Variants in KCNIP3 observed in about 807,000 individuals in gnomAD.
The protein encoded by KCNIP3 is potassium voltage-gated channel interacting protein 3.
In KCNIP3, 28 loss-of-function variants were observed where a neutral mutation model predicts 35.0. The observed-to-expected ratio is 0.80, with a 90% CI of 0.59 to 1.10. KCNIP3 has a LOEUF of 1.10. Among genes scored for constraint, KCNIP3 ranks in the 50% least tolerant of loss-of-function variants. The probability of loss-of-function intolerance (pLI) is 0.00; values close to 1 mark genes in which losing one functional copy is unlikely to be tolerated. For synonymous variants in KCNIP3, 134 were observed against 133.8 expected, an observed-to-expected ratio of 1.00 and a Z score of -0.01; for missense variants, 295 against 338.4, an observed-to-expected ratio of 0.87 and a Z score of 1.01.
rs373459552 is a variant in KCNIP3, at chr2:95,344,778, T to A, written c.182-29518T>A. Among the ~76,000 whole-genome samples the A allele has an allele frequency of 8.5e-5, 13 of 152,316 alleles. No homozygotes were observed. The East Asian group carries it at 1.4e-3, about 16-fold the overall frequency. ...AGCCCCTGCCACGTGCCAGCCTGCA[T>A]CTCATTCCATCCTTTCAAGCCCCCG... On this transcript the variant is annotated intron_variant, in intron 2 of 8. Transcript: ENST00000295225.
chr2:95,337,958 A>G (rs939554726), intron 2 of KCNIP3, among the ~76,000 whole-genome samples: 1 of 152,182 alleles, frequency 6.6e-6, no homozygotes, highest in African/African-American at 2.4e-5. Flanking sequence ...ACAGTGTGGG[A>G]AACTGGAGGT....
Position 95,347,127 on chromosome 2 carries a change from C to G in KCNIP3, c.182-27169C>G, listed in dbSNP as rs559092794. On this transcript the variant is annotated intron_variant, in intron 2 of 8. Coordinates refer to ENST00000295225, the MANE Select transcript of KCNIP3 (RefSeq NM_013434.5). ...TGGAGCCCATATCCATGGAAGGTAA[C>G]GCGTGGCCACTTGCCCCTTCGCCGC... 6 of 1,606,978 alleles carry G rather than the reference C, an allele frequency of 3.7e-6. No individual in the cohort carries two copies. The Middle Eastern group carries it at 5.0e-4, about 133-fold the overall frequency.
chr2:95,308,098 A>C (rs748380181), intron 1 of KCNIP3, among the ~76,000 whole-genome samples: 2 of 151,858 alleles, frequency 1.3e-5, no homozygotes, highest in East Asian at 1.9e-4. Flanking sequence ...ACTTGTGTGC[A>C]TGTGTGTGCG....
chr2:95,312,474 C>G (rs1477084652), intron 2 of KCNIP3: 1 of 152,444 alleles, frequency 6.6e-6, no homozygotes, highest in Non-Finnish European at 1.5e-5. Context: ...TGTCAGGACA[C>G]GTTTGCTGAA....
chr2:95,341,253 T>C (rs2104257619), intron 2 of KCNIP3, among the ~76,000 whole-genome samples: 1 of 152,256 alleles, frequency 6.6e-6, no homozygotes, highest in East Asian at 1.9e-4. Context: ...CCCCCCTCAC[T>C]CTCTTTCTTG....
At chr2:95,320,388 C>T (rs772952224) in intron 2 of KCNIP3, among the ~76,000 whole-genome samples, 4 of 152,112 alleles carry the variant, frequency 2.6e-5, no homozygotes, top group African/African-American at 7.2e-5. Context: ...CTGCCACTCA[C>T]GGCAGCCTGG....
intron 2 of KCNIP3, among the ~76,000 whole-genome samples, chr2:95,325,456 G>A (rs184347816): frequency 1.3e-4 from 20 of 152,272 alleles, no homozygotes; most frequent in African/African-American, 3.6e-4. Context: ...TGGGTATCCC[G>A]TGAGGAGGGT....
rs547324901 is a variant in KCNIP3 at position 95,360,723 on chromosome 2, G to A, written c.182-13573G>A. 3.3e-5 allele frequency among the ~76,000 whole-genome samples: 5 copies of A among 152,274 alleles called. No homozygotes were observed. The East Asian group carries it at 9.6e-4, about 29-fold the overall frequency. ...CTTCTTACTGAATCATCATTCCATGGCGAAGAACAGACAGACAGACAGAGA... is the reference window on the plus strand; with the variant it reads ...CTTCTTACTGAATCATCATTCCATGACGAAGAACAGACAGACAGACAGAGA... On this transcript the variant is annotated intron_variant, in intron 2 of 8. Coordinates refer to ENST00000295225, the MANE Select transcript of KCNIP3 (RefSeq NM_013434.5).
At chr2:95,374,577 C>T (rs760100238) in intron 3 of KCNIP3, among the ~76,000 whole-genome samples, 157 bp downstream of exon 3, 18 of 152,288 alleles carry the variant, frequency 1.2e-4, no homozygotes, top group Admixed American at 5.2e-4. Context: ...GAATGGGCAT[C>T]GCTGAGGCCG....
chr2:95,379,250 G>A (rs187315381), intron 5 of KCNIP3, among the ~76,000 whole-genome samples: 19 of 152,300 alleles, frequency 1.2e-4, no homozygotes, highest in Non-Finnish European at 2.4e-4. Flanking sequence ...TTGTGAACTG[G>A]ACCCCTCGCT....
intron 2 of KCNIP3, among the ~76,000 whole-genome samples, chr2:95,356,869 C>T (rs1285279244): frequency 6.6e-6 from 1 of 152,236 alleles, no homozygotes; most frequent in African/African-American, 2.4e-5. Context: ...CACAGCTACA[C>T]ATCACTACCT....
At chr2:95,370,362 G>C (rs1680014484) in intron 2 of KCNIP3, among the ~76,000 whole-genome samples, 1 of 152,208 alleles carries the variant, frequency 6.6e-6, no homozygotes, top group Non-Finnish European at 1.5e-5. Context: ...ATTGGGTCTA[G>C]AGCATGCGCT....
intron 1 of KCNIP3, among the ~76,000 whole-genome samples, chr2:95,301,365 G>A (rs1678023642): frequency 6.6e-6 from 1 of 152,226 alleles, no homozygotes; most frequent in African/African-American, 2.4e-5. Context: ...AAAGGACCCC[G>A]GGCAGGAGAC....
rs146269104 is a variant in KCNIP3 at position 95,376,349 on chromosome 2, G to A, written c.447+1141G>A. On this transcript the variant is annotated intron_variant, in intron 5 of 8. Coordinates refer to ENST00000295225, the MANE Select transcript of KCNIP3 (RefSeq NM_013434.5). This position sits in a 1 kb window ranked among gnomAD's most constrained non-coding sequence, Gnocchi z 4.2. Reference sequence around the variant, plus strand: ...AGGCGGGGTGCGAGTGGTTTTTCTTGTTCAGGAATGAGATGACTGAGAGGC... The same window carrying A: ...AGGCGGGGTGCGAGTGGTTTTTCTTATTCAGGAATGAGATGACTGAGAGGC... 1.3e-5 allele frequency among the ~76,000 whole-genome samples: 2 copies of A among 152,264 alleles called. No homozygotes were observed. The highest frequency in any genetic ancestry group is 2.9e-5 in the Non-Finnish European group (2 of 68,016).
intron 2 of KCNIP3, among the ~76,000 whole-genome samples, chr2:95,349,639 C>T (rs1679462680): frequency 6.6e-6 from 1 of 152,190 alleles, no homozygotes; most frequent in African/African-American, 2.4e-5. Flanking sequence ...CTGTCCTGAC[C>T]ACCAGGGCAA....
intron 2 of KCNIP3, among the ~76,000 whole-genome samples, chr2:95,328,008 C>T (rs1004590404): frequency 1.3e-5 from 2 of 152,234 alleles, no homozygotes; most frequent in African/African-American, 4.8e-5. Flanking sequence ...GACCTGCTGC[C>T]AGCCTGTACT....
chr2:95,298,634 C>G (rs900249364), intron 1 of KCNIP3: 1 of 152,358 alleles, frequency 6.6e-6, no homozygotes, highest in Non-Finnish European at 1.5e-5. Flanking sequence ...TTGGACCACA[C>G]TGCCCCCAAA....
intron 2 of KCNIP3, chr2:95,313,158 T>A (rs1678365539): frequency 6.6e-6 from 1 of 152,306 alleles, no homozygotes; most frequent in Non-Finnish European, 1.5e-5. Flanking sequence ...TGTGCCCTTG[T>A]ACTGGGGTTT....
rs755266496 is a variant in KCNIP3 at position 95,346,990 on chromosome 2, G to A, written c.182-27306G>A. ...GCGCGTGGGCGAGGGGTGCGCCCGG[G>A]CCCCAGGGCCCCAGGCAGCCCGGCT... is the stretch of plus-strand genomic sequence containing the variant. On this transcript the variant is annotated intron_variant, in intron 2 of 8. Coordinates refer to ENST00000295225, the MANE Select transcript of KCNIP3 (RefSeq NM_013434.5). 34 of 1,554,738 alleles carry A rather than the reference G, an allele frequency of 2.2e-5. No individual in the cohort carries two copies. The Admixed American group carries it at 5.8e-4, about 27-fold the overall frequency.
Sources: allele counts gnomAD v4.1 joint callset (sites outside exome capture counted in the v4.1 genomes callset), GRCh38; gene constraint gnomAD v4.1.1; non-coding constraint Gnocchi (gnomAD v3.1); transcripts MANE v1.5; gene names NCBI Gene and HGNC (gene_info 2026-07-23, HGNC 2026-07-21).